ADGRL1: variants seen among roughly 807,000 people sequenced by gnomAD.
ADGRL1 encodes CIRL-1.
A neutral mutation model predicts 148.9 loss-of-function variants in ADGRL1; 31 were observed. The observed-to-expected ratio is 0.21, with a 90% confidence interval of 0.16 to 0.28. The LOEUF (loss-of-function observed/expected upper bound fraction) is 0.28, where lower values mean the gene tolerates loss of function less well. Ranked by LOEUF, ADGRL1 falls within the 10% of genes least tolerant of loss-of-function variation. The pLI is 1.00. For missense variants in ADGRL1, 1,521 were observed against 2,058.8 expected, an observed-to-expected ratio of 0.74 and a Z score of 5.05; for synonymous variants, 937 against 900.3, an observed-to-expected ratio of 1.04 and a Z score of -0.73.
In ADGRL1 at chr19:14,159,978, G is replaced by C. The variant is rs1001602910; in HGVS notation, c.1800+134C>G. 3.9e-5 allele frequency: 40 copies of C among 1,024,214 alleles called. 1 individual carries two copies. The highest frequency in any genetic ancestry group is 2.6e-4 in the East Asian group (10 of 38,482). The allele number at this position is 1,024,214 out of a possible 1,614,324, so 63.4% of individuals were successfully genotyped here. A position where few individuals can be genotyped will look rare whatever the true frequency, so the allele number is the denominator to read the frequency against. ...GAGACCCGGCAGTCCTTGGCGGAGA[G>C]GGGGGGGTCCTTCCTCTCTGAGGAA... On this transcript the variant is annotated intron_variant, in intron 8 of 22. Transcript: ENST00000361434. This position sits in a 1 kb window ranked among gnomAD's most constrained non-coding sequence, Gnocchi z 6.0.
chr19:14,151,304 C>T lies in ADGRL1; in HGVS notation c.3979G>A (p.Glu1327Lys), dbSNP rs753929436. 12 of 1,606,016 alleles carry T rather than the reference C, an allele frequency of 7.5e-6. No homozygotes were observed. Among genetic ancestry groups the T allele is most frequent in the South Asian group, 4.4e-5 (4 of 90,428 alleles). ...AGGPGGADRA[E>K]IELLYKALEE... ...AGGGCCTTATAGAGAAGTTCAATCT[C>T]GGCCCGGTCAGCACCCCCGGGCCCG... Residue 1327 changes from glutamate (E) to lysine (K), a missense_variant, in exon 23 of 23, where the codon GAG becomes AAG. Glu to Lys is a moderately conservative substitution (Grantham distance 56, BLOSUM62 1). This residue lies in a region of ADGRL1 where 390 missense variants were observed against 375.0 expected (regional missense o/e 1.04). Transcript: ENST00000361434.
chr19:14,202,647 C>T (rs1002250960), intron 1 of ADGRL1, among the ~76,000 whole-genome samples: 5 of 152,116 alleles, frequency 3.3e-5, no homozygotes, highest in African/African-American at 1.2e-4. Context: ...GCGCCCCCTG[C>T]ATGGTGCTGG....
chr19:14,191,208 G>C (rs1396216021), intron 1 of ADGRL1: 2 of 456,720 alleles, frequency 4.4e-6, no homozygotes, highest in East Asian at 1.4e-4. Flanking sequence ...TCCAGCCTCA[G>C]CCTGTCCCCA....
Position 14,157,195 on chromosome 19 carries a change from C to T in ADGRL1, c.2746-50G>A. 1 of 1,613,342 alleles carries T rather than the reference C, an allele frequency of 6.2e-7. No homozygotes were observed. Among genetic ancestry groups the T allele is most frequent in the Non-Finnish European group, 8.5e-7 (1 of 1,179,518 alleles). ...GGCTGCTGCCTGGACAGGTGTCCCC[C>T]TTCTTCTCCCGGCCCCCAGGCGCTG... On this transcript the variant is annotated intron_variant, in intron 14 of 22. Coordinates refer to ENST00000361434, the MANE Select transcript of ADGRL1 (RefSeq NM_014921.5). This position sits in a 1 kb window ranked among gnomAD's most constrained non-coding sequence, Gnocchi z 7.5.
rs1969148659 is a variant in ADGRL1 at position 14,159,763 on chromosome 19, C to T, written c.1811G>A (p.Arg604Gln). Residue 604 changes from arginine to glutamine, a missense_variant, in exon 9 of 23, where the codon CGA becomes CAA. Coordinates refer to ENST00000361434, the MANE Select transcript of ADGRL1 (RefSeq NM_014921.5). This position sits in a 1 kb window ranked among gnomAD's most constrained non-coding sequence, Gnocchi z 6.0. ...AGKNYNKMHK[R>Q]ERTCKDYIKA... is the part of the protein sequence containing the mutation. ...GATATAATCCTTACAAGTTCTCTCT[C>T]GCTTGTGCATCTAGAAAGAGATGGA... The T allele has an allele frequency of 6.2e-7, 1 of 1,613,938 alleles. No homozygotes were observed. Among genetic ancestry groups the T allele is most frequent in the African/African-American group, 1.3e-5 (1 of 75,046 alleles).
chr19:14,147,790 A>C lies in ADGRL1; in HGVS notation c.*3083T>G, dbSNP rs575950133. 1 of 152,382 alleles carries C rather than the reference A, an allele frequency of 6.6e-6. No homozygotes were observed. The highest frequency in any genetic ancestry group is 1.9e-4 in the East Asian group (1 of 5,172). 9.4% of individuals were successfully genotyped at this position (152,382 alleles called of 1,614,324 possible). A position where few individuals can be genotyped will look rare whatever the true frequency, so the allele number is the denominator to read the frequency against. On this transcript the variant is annotated 3_prime_UTR_variant, in exon 23 of 23. Transcript: ENST00000361434. ...TATTGTTTGACTTTTTGACTCAACA[A>C]TTTTTTTAAAACTTTTTGTTTTTTT...
intron 15 of ADGRL1, 67 bp from the exon 16 acceptor site, chr19:14,156,791 C>T (rs1453227916): frequency 1.3e-6 from 2 of 1,542,712 alleles, no homozygotes; most frequent in Admixed American, 1.8e-5. Flanking sequence ...CTCATGAAGG[C>T]CTAGGACTCT....
chr19:14,180,800 C>T (rs1355865492), intron 2 of ADGRL1, among the ~76,000 whole-genome samples: 1 of 152,186 alleles, frequency 6.6e-6, no homozygotes, highest in Non-Finnish European at 1.5e-5. Flanking sequence ...GCAATCCTCC[C>T]ACCTTGGCTT....
rs1377331326 is a variant in ADGRL1 at position 14,148,299 on chromosome 19, G to A, written c.*2574C>T. 2 of 152,570 alleles carry A rather than the reference G, an allele frequency of 1.3e-5. No homozygotes were observed. The highest frequency in any genetic ancestry group is 4.8e-5 in the African/African-American group (2 of 41,434). The allele number at this position is 152,570 out of a possible 1,614,324, so 9.5% of individuals were successfully genotyped here. On this transcript the variant is annotated 3_prime_UTR_variant, in exon 23 of 23. Coordinates refer to ENST00000361434, the MANE Select transcript of ADGRL1 (RefSeq NM_014921.5). ...GCCCTGCCACACAGCTCTGAGGCCT[G>A]GAAGCCACCCGGCGATGCCGGCTGG...
Position 14,163,497 on chromosome 19 carries a change from A to G in ADGRL1, c.395-91T>C, listed in dbSNP as rs577704613. 4.0e-3 allele frequency: 2,871 copies of G among 718,076 alleles called. 11 individuals carry two copies. The highest frequency in any genetic ancestry group is 0.016 in the African/African-American group (747 of 46,566). 44.5% of individuals were successfully genotyped at this position (718,076 alleles called of 1,614,324 possible). A position where few individuals can be genotyped will look rare whatever the true frequency, so the allele number is the denominator to read the frequency against. On this transcript the variant is annotated intron_variant, in intron 4 of 22. Transcript: ENST00000361434. Reference sequence around the variant, plus strand: ...GAGAGAGAGAGAGAGAGAGAGAGAGAGGGGGGAGAGAGGCAAGTTGGTCAC... The same window carrying G: ...GAGAGAGAGAGAGAGAGAGAGAGAGGGGGGGGAGAGAGGCAAGTTGGTCAC...
chr19:14,184,638 A>ATTTTT lies in ADGRL1; in HGVS notation c.-95-942_-95-941insAAAAA, dbSNP rs1293975046. 2.0e-3 allele frequency among the ~76,000 whole-genome samples: 238 copies of ATTTTT among 120,934 alleles called. 4 individuals carry two copies. The highest frequency in any genetic ancestry group is 3.6e-3 in the African/African-American group (98 of 26,852). The allele number at this position is 120,934 out of a possible 152,430, so 79.3% of individuals were successfully genotyped here. On this transcript the variant is annotated intron_variant, in intron 1 of 22. Transcript: ENST00000361434. ...TATTTATTTATTTATTTATTTATTTATTTATTTATTTTTTTTTCTGAGACG... is the reference window on the plus strand; with the variant it reads ...TATTTATTTATTTATTTATTTATTTATTTTTTTTATTTATTTTTTTTTCTGAGACG...
At chr19:14,195,132 G>C (rs1397702790) in intron 1 of ADGRL1, among the ~76,000 whole-genome samples, 2 of 151,976 alleles carry the variant, frequency 1.3e-5, no homozygotes, top group Non-Finnish European at 2.9e-5. Context: ...CGATCCTCCC[G>C]CCTCAGCCTC....
intron 1 of ADGRL1, among the ~76,000 whole-genome samples, chr19:14,195,183 C>T (rs1972180469): frequency 6.6e-6 from 1 of 152,162 alleles, no homozygotes; most frequent in Admixed American, 6.5e-5. Context: ...GAATCCATTG[C>T]ACCCAGCCAT....
Position 14,159,842 on chromosome 19 carries a change from C to T in ADGRL1, c.1801-69G>A. ...CGGTTCCCTCACCCTAATACTGTCA[C>T]ATCTGGATAGCTCTCTCGTCTGCGG... On this transcript the variant is annotated intron_variant, in intron 8 of 22. Transcript: ENST00000361434. The surrounding 1 kb of genome is among the most constrained non-coding windows in gnomAD (Gnocchi z 6.0). 7.5e-7 allele frequency: 1 copy of T among 1,337,022 alleles called. No homozygotes were observed. Among genetic ancestry groups the T allele is most frequent in the Non-Finnish European group, 1.1e-6 (1 of 928,256 alleles). The allele number at this position is 1,337,022 out of a possible 1,614,324, so 82.8% of individuals were successfully genotyped here. A position where few individuals can be genotyped will look rare whatever the true frequency, so the allele number is the denominator to read the frequency against.
At position 14,150,889 on chromosome 19, in the gene ADGRL1, A is replaced by G; in HGVS notation, c.4394T>C (p.Leu1465Pro). 1 of 1,612,156 alleles carries G rather than the reference A, an allele frequency of 6.2e-7. No individual in the cohort carries two copies. The highest frequency in any genetic ancestry group is 8.5e-7 in the Non-Finnish European group (1 of 1,179,716). Residue 1465 changes from leucine to proline, a missense_variant, in exon 23 of 23, where the codon CTG becomes CCG. Physicochemically the swap from Leu to Pro is moderately conservative, Grantham distance 98 (BLOSUM62 -3). Coordinates refer to ENST00000361434, the MANE Select transcript of ADGRL1 (RefSeq NM_014921.5). ...PGPDGDGQMQ[L>P]VTSL ...GAGGTGCCCTCAGAGACTGGTGACC[A>G]GCTGCATCTGCCCGTCCCCATCGGG...
rs1245705258 is a variant in ADGRL1 at position 14,148,712 on chromosome 19, C to G, written c.*2161G>C. 1 of 152,690 alleles carries G rather than the reference C, an allele frequency of 6.5e-6. No homozygotes were observed. Among genetic ancestry groups the G allele is most frequent in the Admixed American group, 6.5e-5 (1 of 15,270 alleles). The allele number at this position is 152,690 out of a possible 1,614,324, so 9.5% of individuals were successfully genotyped here. A position where few individuals can be genotyped will look rare whatever the true frequency, so the allele number is the denominator to read the frequency against. ...TTCTGGTGTAATGGGTTAGGCCTTT[C>G]TACCAGAAAAAGCCAGAGTTGGAAC... On this transcript the variant is annotated 3_prime_UTR_variant, in exon 23 of 23. Coordinates refer to ENST00000361434, the MANE Select transcript of ADGRL1 (RefSeq NM_014921.5).
At position 14,161,275 on chromosome 19, in the gene ADGRL1, CCCCCATCCCT is replaced by C. The variant is rs772507627; in HGVS notation, c.1510+27_1510+36del. ...CTGTGCTAAGCTGCTGGGGGCATGG[CCCCCATCCCT>C]CCCCTGGCTGCAGCCTCTGTACTCA... is the stretch of plus-strand genomic sequence containing the variant. On this transcript the variant is annotated intron_variant, in intron 6 of 22. Transcript: ENST00000361434. This position sits in a 1 kb window ranked among gnomAD's most constrained non-coding sequence, Gnocchi z 4.4. The C allele has an allele frequency of 6.8e-5, 102 of 1,509,246 alleles. No homozygotes were observed. Among genetic ancestry groups the C allele is most frequent in the Non-Finnish European group, 8.7e-5 (99 of 1,135,504 alleles). 93.5% of individuals were successfully genotyped at this position (1,509,246 alleles called of 1,614,324 possible). A position where few individuals can be genotyped will look rare whatever the true frequency, so the allele number is the denominator to read the frequency against.
chr19:14,162,541 G>T lies in ADGRL1; in HGVS notation c.1195+65C>A. 2 of 1,431,924 alleles carry T rather than the reference G, an allele frequency of 1.4e-6. No homozygotes were observed. The highest frequency in any genetic ancestry group is 9.6e-7 in the Non-Finnish European group (1 of 1,041,982). 88.7% of individuals were successfully genotyped at this position (1,431,924 alleles called of 1,614,324 possible). On this transcript the variant is annotated intron_variant, in intron 5 of 22. Transcript: ENST00000361434. This position sits in a 1 kb window ranked among gnomAD's most constrained non-coding sequence, Gnocchi z 5.4. ...TGGGGCTCCCCACTCTGGGACCCAG[G>T]GGTGGGTGGGGGTGGAGGGGACAAA...
At chr19:14,190,704 T>C (rs1265618391) in intron 1 of ADGRL1, among the ~76,000 whole-genome samples, 1 of 152,240 alleles carries the variant, frequency 6.6e-6, no homozygotes, top group Non-Finnish European at 1.5e-5. Flanking sequence ...CACAGATAAG[T>C]GAGGTCATGC....
Sources: allele counts gnomAD v4.1 joint callset (sites outside exome capture counted in the v4.1 genomes callset), GRCh38; gene constraint gnomAD v4.1.1; regional missense constraint gnomAD v4.1.1; non-coding constraint Gnocchi (gnomAD v3.1); transcripts MANE v1.5; gene names NCBI Gene and HGNC (gene_info 2026-07-23, HGNC 2026-07-21).